SMN2: variants seen among roughly 807,000 people sequenced by gnomAD.
SMN2 encodes the protein survival motor neuron protein.
In SMN2, 1 loss-of-function variant was observed where a neutral mutation model predicts 2.8. That is an observed-to-expected ratio of 0.35 (90% CI 0.13 to 1.68). The LOEUF (loss-of-function observed/expected upper bound fraction) is 1.68. SMN2 is among the 40% of genes most tolerant of loss of function. The pLI is 0.35. For synonymous variants in SMN2, 5 were observed against 5.0 expected (o/e 0.99, Z 0.01); for missense variants, 12 against 16.9 (o/e 0.71, Z 0.51).
chr5:70,076,381 T>G (rs1264722006), intron 7 of SMN2, 140 bp from the exon 8 acceptor site: 1 of 480,854 alleles, frequency 2.1e-6, no homozygotes, highest in Middle Eastern at 5.1e-4. Flanking sequence ...CAACTTAATT[T>G]CTGATCATAT....
chr5:70,052,998 G>A (rs1774499931), intron 1 of SMN2, among the ~76,000 whole-genome samples: 1 of 65,514 alleles, frequency 1.5e-5, no homozygotes, highest in African/African-American at 5.5e-5. Context: ...GAAGGTGATG[G>A]TTAAGAGAGT....
At chr5:70,074,863 A>G (rs1309198795) in intron 7 of SMN2, among the ~76,000 whole-genome samples, 1 of 119,802 alleles carries the variant, frequency 8.3e-6, no homozygotes, top group African/African-American at 3.4e-5. Context: ...ATGGTGGCGC[A>G]TGCCTGTAAT....
chr5:70,083,485 A>G (rs1742063509), downstream of SMN2, among the ~76,000 whole-genome samples: 1 of 136,104 alleles, frequency 7.3e-6, no homozygotes, highest in African/African-American at 3.2e-5. Flanking sequence ...TCATGCTGCT[A>G]TGAAGACACA....
chr5:70,076,017 C>G lies in SMN2; in HGVS notation c.835-504C>G, dbSNP rs563859409. Among the ~76,000 whole-genome samples, 7 of 126,036 alleles carry G rather than the reference C, an allele frequency of 5.6e-5. 3 individuals are homozygous for G. The highest frequency in any genetic ancestry group is 1.1e-4 in the Non-Finnish European group (7 of 61,220). The allele number at this position is 126,036 out of a possible 152,430, so 82.7% of individuals were successfully genotyped here. ...TAGAGGTCCCCACCACCATGCCTGG[C>G]TAATTTTTTGTACTTTCAGTAGAAA... On this transcript the variant is annotated intron_variant, in intron 7 of 8. Transcript: ENST00000380743.
At chr5:70,075,519 T>G (rs1490804968) in intron 7 of SMN2, among the ~76,000 whole-genome samples, 1 of 121,606 alleles carries the variant, frequency 8.2e-6, no homozygotes, top group Non-Finnish European at 1.7e-5. Context: ...CGGCCTAGTC[T>G]TGTATTTTTA....
the SMN2 span, among the ~76,000 whole-genome samples, chr5:70,088,407 T>G: frequency 2.0e-5 from 2 of 97,626 alleles, no homozygotes; most frequent in African/African-American, 4.9e-5. Flanking sequence ...GACAGGAAAA[T>G]GAGGGTAAGT....
chr5:70,079,203 C>T (rs1461876045), downstream of SMN2, among the ~76,000 whole-genome samples: 30 of 139,046 alleles, frequency 2.2e-4, no homozygotes, highest in South Asian at 2.9e-3. Context: ...GAGGCCGAGG[C>T]GGGTGGATCA....
chr5:70,083,809 G>GTC, the SMN2 span, among the ~76,000 whole-genome samples: 5 of 132,254 alleles, frequency 3.8e-5, no homozygotes, highest in Non-Finnish European at 7.7e-5. Flanking sequence ...TTGTGGGGTG[G>GTC]GGGGAGTGGG....
At chr5:70,080,256 A>G (rs1330790157), downstream of SMN2, among the ~76,000 whole-genome samples, 3 of 136,048 alleles carry the variant, frequency 2.2e-5, no homozygotes, top group South Asian at 6.9e-4. Flanking sequence ...ACTTGAACCC[A>G]GGAGGCGGAG....
At chr5:70,080,244 T>C (rs1189058184), downstream of SMN2, among the ~76,000 whole-genome samples, 1 of 135,120 alleles carries the variant, frequency 7.4e-6, no homozygotes, top group Non-Finnish European at 1.5e-5. Flanking sequence ...AGCATGAGAA[T>C]CACTTGAACC....
downstream of SMN2, among the ~76,000 whole-genome samples, chr5:70,079,451 A>C (rs1376524967): frequency 6.8e-6 from 1 of 146,310 alleles, no homozygotes; most frequent in Non-Finnish European, 1.5e-5. Flanking sequence ...AAAAAAAAAA[A>C]CACGTTACTA....
At chr5:70,087,856 GTGTA>G in the SMN2 span, among the ~76,000 whole-genome samples, 1 of 18,604 alleles carries the variant, frequency 5.4e-5, no homozygotes, top group Non-Finnish European at 9.3e-5. Context: ...TAATATGTGT[GTGTA>G]TGTATGTGCG....
intron 7 of SMN2, among the ~76,000 whole-genome samples, chr5:70,074,510 G>A (rs1356125775): frequency 1.9e-5 from 2 of 104,814 alleles, no homozygotes; most frequent in Non-Finnish European, 4.0e-5. Flanking sequence ...GGGCGTGGTG[G>A]TGCATGCCTG....
chr5:70,076,771 A>G (rs1774768630), intron 8 of SMN2, 197 bp downstream of exon 8: 2 of 1,321,166 alleles, frequency 1.5e-6, no homozygotes, highest in Non-Finnish European at 2.0e-6. Flanking sequence ...TAGAATTCTC[A>G]TACTTAACTG....
At chr5:70,083,960 T>C in the SMN2 span, among the ~76,000 whole-genome samples, 1 of 114,084 alleles carries the variant, frequency 8.8e-6, no homozygotes. Context: ...AATAATAAAA[T>C]AAAATAAGAA....
At position 70,076,559 on chromosome 5, in the gene SMN2, T is replaced by A; in HGVS notation, c.873T>A (p.His291Gln). ...ATCAAAAAGAAGGAAGGTGCTCACA[T>A]TCCTTAAATTAAGGAGTAAGTCTGC... ...RQNQKEGRCS[H>Q]SLN The change falls in exon 8 of 9, where the codon CAT (histidine) becomes CAA (glutamine). Residue 291 changes from histidine (H) to glutamine (Q), a missense_variant. Coordinates refer to ENST00000380743, the MANE Select transcript of SMN2 (RefSeq NM_017411.4). 2 of 1,464,110 alleles carry A rather than the reference T, an allele frequency of 1.4e-6. No homozygotes were observed. The highest frequency in any genetic ancestry group is 2.3e-5 in the South Asian group (2 of 85,426). The allele number at this position is 1,464,110 out of a possible 1,614,324, so 90.7% of individuals were successfully genotyped here.
At chr5:70,052,128 T>C (rs1774451837) in intron 1 of SMN2, among the ~76,000 whole-genome samples, 1 of 112,518 alleles carries the variant, frequency 8.9e-6, no homozygotes, top group Admixed American at 9.2e-5. Context: ...GAGGTGGAGG[T>C]TGCAGTGAGC....
chr5:70,084,361 A>AT, the SMN2 span, among the ~76,000 whole-genome samples: 2 of 102,962 alleles, frequency 1.9e-5, no homozygotes, highest in Non-Finnish European at 3.7e-5. Flanking sequence ...TAATTTTTGT[A>AT]TTTTTTTAGT....
chr5:70,075,910 T>C (rs1453602740), intron 7 of SMN2, among the ~76,000 whole-genome samples: 1 of 121,230 alleles, frequency 8.2e-6, no homozygotes, highest in Non-Finnish European at 1.7e-5. Flanking sequence ...TGGAGTGCAG[T>C]GGTGTAAATC....
Sources: gnomAD v4.1 joint callset for allele counts (sites outside exome capture counted in the v4.1 genomes callset) on GRCh38, gnomAD v4.1.1 for gene constraint, MANE v1.5 for transcripts, NCBI Gene and HGNC (gene_info 2026-07-23, HGNC 2026-07-21) for gene names.